Variants in PLD5 observed in about 807,000 individuals in gnomAD.
The protein encoded by PLD5 is inactive phospholipase D5.
PLD5 carries 36 observed loss-of-function variants against 61.1 expected under a neutral mutation model. The observed-to-expected ratio is 0.59, with a 90% CI of 0.45 to 0.78. The LOEUF is 0.78. Among genes scored for constraint, PLD5 ranks in the 30% least tolerant of loss-of-function variants. PLD5 has a pLI of 0.00. For missense variants in PLD5, 515 were observed against 644.4 expected, an observed-to-expected ratio of 0.80 and a Z score of 2.17; for synonymous variants, 243 against 242.8, an observed-to-expected ratio of 1.00 and a Z score of -0.01.
In PLD5 at chr1:242,435,607, T is replaced by C. The variant is rs146966459; in HGVS notation, c.190-87365A>G. Among the ~76,000 whole-genome samples, 36 of 152,246 alleles carry C rather than the reference T, an allele frequency of 2.4e-4. No individual in the cohort carries two copies. The East Asian group carries it at 6.6e-3, about 28-fold the overall frequency. On this transcript the variant is annotated intron_variant, in intron 1 of 9. Coordinates refer to ENST00000536534, the MANE Select transcript of PLD5 (RefSeq NM_001372062.1). ...AATCAACAATACATATCAAATAAAG[T>C]GTCTTTAAACAGAAACACACATAAA...
intron 3 of PLD5, among the ~76,000 whole-genome samples, chr1:242,287,888 C>A (rs915530639): frequency 1.4e-4 from 21 of 152,100 alleles, no homozygotes; most frequent in Non-Finnish European, 2.5e-4. Flanking sequence ...TCGAGAAAAA[C>A]AACTATCCTG....
At chr1:242,310,424 C>T (rs563153993) in intron 2 of PLD5, among the ~76,000 whole-genome samples, 3 of 152,122 alleles carry the variant, frequency 2.0e-5, no homozygotes, top group Non-Finnish European at 4.4e-5. Flanking sequence ...TAGTAACAGT[C>T]CCTTAAAAAA....
chr1:242,522,032 TA>T (rs1669297348), intron 1 of PLD5, among the ~76,000 whole-genome samples: 1 of 152,230 alleles, frequency 6.6e-6, no homozygotes, highest in Non-Finnish European at 1.5e-5. Flanking sequence ...ATTAATTCAT[TA>T]AAAATGTTCG....
At chr1:242,250,238 T>C (rs1431460213) in intron 4 of PLD5, among the ~76,000 whole-genome samples, 1 of 152,230 alleles carries the variant, frequency 6.6e-6, no homozygotes, top group African/African-American at 2.4e-5. Context: ...TAGTGCTTTA[T>C]ACACCCAAAG....
chr1:242,451,161 C>G (rs1666762273), intron 1 of PLD5, among the ~76,000 whole-genome samples: 1 of 152,152 alleles, frequency 6.6e-6, no homozygotes, highest in Non-Finnish European at 1.5e-5. Flanking sequence ...TTCCATTAGC[C>G]TTATATCTGT....
chr1:242,169,918 A>G (rs1366883588), intron 5 of PLD5, among the ~76,000 whole-genome samples: 2 of 152,206 alleles, frequency 1.3e-5, no homozygotes, highest in Non-Finnish European at 2.9e-5. Flanking sequence ...TCTGAAAAAA[A>G]GGCAGCAGCC....
At chr1:242,329,158 C>A (rs918522575) in intron 2 of PLD5, among the ~76,000 whole-genome samples, 2 of 151,988 alleles carry the variant, frequency 1.3e-5, no homozygotes, top group African/African-American at 4.8e-5. Flanking sequence ...TTACAGGTGG[C>A]TGCCACCACA....
chr1:242,316,467 G>A (rs535976108), intron 2 of PLD5, among the ~76,000 whole-genome samples: 3 of 152,030 alleles, frequency 2.0e-5, no homozygotes, highest in Admixed American at 1.3e-4. Context: ...ATGGTTATAC[G>A]AGATATTTTT....
In PLD5 at chr1:242,089,066, A is replaced by G; in HGVS notation, c.*788T>C. The G allele has an allele frequency of 2.8e-6, 1 of 356,354 alleles. No homozygotes were observed. Among genetic ancestry groups the G allele is most frequent in the Non-Finnish European group, 5.0e-6 (1 of 200,026 alleles). 22.1% of individuals were successfully genotyped at this position (356,354 alleles called of 1,614,324 possible). On this transcript the variant is annotated 3_prime_UTR_variant, in exon 10 of 10. Transcript: ENST00000536534. ...TTTCTGAGCTTGAGAGAAAGGATAC[A>G]TATTGCTGACTGTGATTTTTTTTAA... is the stretch of plus-strand genomic sequence containing the variant.
rs1314390341 is a variant in PLD5 at position 242,473,679 on chromosome 1, G to C, written c.189+50409C>G. On this transcript the variant is annotated intron_variant, in intron 1 of 9. Coordinates refer to ENST00000536534, the MANE Select transcript of PLD5 (RefSeq NM_001372062.1). The stretch of plus-strand genomic sequence containing the variant: ...GACTGTTACTAAAAGCCATAGATTA[G>C]CTCTAGTAATTAGTAGGATACCAGC... Among the ~76,000 whole-genome samples, 4 of 152,124 alleles carry C rather than the reference G, an allele frequency of 2.6e-5. No homozygotes were observed. In the South Asian group the frequency reaches 8.3e-4, roughly 31 times the overall value.
At chr1:242,267,942 G>GAGGCAACC (rs1371862945) in intron 3 of PLD5, among the ~76,000 whole-genome samples, 1 of 151,208 alleles carries the variant, frequency 6.6e-6, no homozygotes, top group Non-Finnish European at 1.5e-5. Context: ...GAAAGAGACA[G>GAGGCAACC]AGGCAACCAG....
chr1:242,426,140 G>A (rs1327733274), intron 1 of PLD5, among the ~76,000 whole-genome samples: 2 of 151,404 alleles, frequency 1.3e-5, no homozygotes, highest in Non-Finnish European at 2.9e-5. Context: ...ACAAACATTG[G>A]CCTAGGCCCA....
chr1:242,516,279 T>TATATATAG (rs1258703287), intron 1 of PLD5, among the ~76,000 whole-genome samples: 8 of 64,562 alleles, frequency 1.2e-4, no homozygotes, highest in African/African-American at 4.4e-4. Flanking sequence ...TATATATATA[T>TATATATAG]ACATATTCTT....
rs751738939 is a variant in PLD5 at position 242,219,939 on chromosome 1, C to T, written c.735+49G>A. The T allele has an allele frequency of 2.9e-5, 46 of 1,579,996 alleles. No homozygotes were observed. In the Middle Eastern group the frequency reaches 5.1e-4, roughly 17 times the overall value. On this transcript the variant is annotated intron_variant, in intron 5 of 9. Transcript: ENST00000536534. ...CAGTAGCGTGCTTTATGAAGGTGGTCGCTTTGAGGGTGACAGAACATTGAG... is the reference window on the plus strand; with the variant it reads ...CAGTAGCGTGCTTTATGAAGGTGGTTGCTTTGAGGGTGACAGAACATTGAG...
chr1:242,349,175 T>C (rs370891529), intron 1 of PLD5, among the ~76,000 whole-genome samples: 1 of 152,332 alleles, frequency 6.6e-6, no homozygotes, highest in African/African-American at 2.4e-5. Flanking sequence ...AAAGATTTTC[T>C]GATTGGCAAT....
chr1:242,454,135 GC>G (rs990819744), intron 1 of PLD5, among the ~76,000 whole-genome samples: 2 of 152,112 alleles, frequency 1.3e-5, no homozygotes, highest in African/African-American at 4.8e-5. Flanking sequence ...TTTGAGACCA[GC>G]CTGGTCAGCA....
intron 1 of PLD5, among the ~76,000 whole-genome samples, chr1:242,349,181 G>A (rs1660332218): frequency 1.3e-5 from 2 of 152,196 alleles, no homozygotes; most frequent in South Asian, 4.1e-4. Context: ...TTTCTGATTG[G>A]CAATTGGTTG....
Position 242,467,005 on chromosome 1 carries a change from T to G in PLD5, c.189+57083A>C, listed in dbSNP as rs145793745. Among the ~76,000 whole-genome samples, 47 of 152,076 alleles carry G rather than the reference T, an allele frequency of 3.1e-4. 1 individual carries two copies. The highest frequency in any genetic ancestry group is 1.1e-3 in the African/African-American group (47 of 41,484). ...TAGTTCAAAGGCTAACAAGTTTCAG[T>G]TAGGAGGAATAAGTTTTCAAGATCT... On this transcript the variant is annotated intron_variant, in intron 1 of 9. Coordinates refer to ENST00000536534, the MANE Select transcript of PLD5 (RefSeq NM_001372062.1).
intron 9 of PLD5, among the ~76,000 whole-genome samples, chr1:242,095,642 A>G (rs1415128647): frequency 6.6e-6 from 1 of 152,098 alleles, no homozygotes; most frequent in Non-Finnish European, 1.5e-5. Context: ...AAACATTCCC[A>G]CAAAAGAACA....
Sources: allele counts gnomAD v4.1 joint callset (sites outside exome capture counted in the v4.1 genomes callset), GRCh38; gene constraint gnomAD v4.1.1; transcripts MANE v1.5; gene names NCBI Gene and HGNC (gene_info 2026-07-23, HGNC 2026-07-21).